The following EFCAB11 variants were observed in gnomAD, a reference collection of about 807,000 sequenced individuals.
The protein encoded by EFCAB11 is EF-hand calcium-binding domain-containing protein 11.
Under a neutral mutation model 23.0 loss-of-function variants are expected in EFCAB11, and 14 were observed. The observed-to-expected ratio is 0.61, with a 90% CI of 0.40 to 0.95. The LOEUF (loss-of-function observed/expected upper bound fraction) is 0.95, where lower values mean the gene tolerates loss of function less well. Ranked by LOEUF, EFCAB11 falls within the 40% of genes least tolerant of loss-of-function variation. EFCAB11 has a pLI of 0.00. For synonymous variants in EFCAB11, 65 were observed against 66.6 expected, an observed-to-expected ratio of 0.98 and a Z score of 0.11; for missense variants, 198 against 195.8, an observed-to-expected ratio of 1.01 and a Z score of -0.07.
rs1596386466 is a variant in EFCAB11, at chr14:89,827,875, C to T, written c.411-30551G>A. On this transcript the variant is annotated intron_variant, in intron 5 of 5. Coordinates refer to ENST00000316738, the MANE Select transcript of EFCAB11 (RefSeq NM_145231.4). ...CTCGAACTCCCGACCTCAGGTGATCCGCCTGCCTCGGCCTCCCAAAGTGCT... is the reference window on the plus strand; with the variant it reads ...CTCGAACTCCCGACCTCAGGTGATCTGCCTGCCTCGGCCTCCCAAAGTGCT... Among the ~76,000 whole-genome samples, 4 of 152,188 alleles carry T rather than the reference C, an allele frequency of 2.6e-5. No homozygotes were observed. In the South Asian group the frequency reaches 8.3e-4, roughly 32 times the overall value.
At chr14:89,887,704 AG>A (rs1888837168) in intron 5 of EFCAB11, among the ~76,000 whole-genome samples, 1 of 152,260 alleles carries the variant, frequency 6.6e-6, no homozygotes, top group African/African-American at 2.4e-5. Context: ...AAAAGACAAC[AG>A]ACTGTAAATA....
intron 5 of EFCAB11, among the ~76,000 whole-genome samples, chr14:89,881,217 C>T (rs1247087642): frequency 6.6e-6 from 1 of 151,460 alleles, no homozygotes; most frequent in African/African-American, 2.4e-5. Flanking sequence ...ACAAAATTGT[C>T]TACTTCACAC....
intron 3 of EFCAB11, among the ~76,000 whole-genome samples, chr14:89,936,502 T>A (rs530009296): frequency 7.2e-5 from 11 of 152,358 alleles, no homozygotes; most frequent in Non-Finnish European, 1.3e-4. Flanking sequence ...GTATGTGTAA[T>A]CAATTTCTTT....
At chr14:89,945,417 T>C (rs1382476072) in intron 3 of EFCAB11, among the ~76,000 whole-genome samples, 1 of 152,230 alleles carries the variant, frequency 6.6e-6, no homozygotes, top group Non-Finnish European at 1.5e-5. Flanking sequence ...ATTTGAAATG[T>C]GGTCTTTTCA....
At chr14:89,850,410 T>C (rs937492738) in intron 5 of EFCAB11, among the ~76,000 whole-genome samples, 8 of 152,156 alleles carry the variant, frequency 5.3e-5, no homozygotes, top group Admixed American at 3.9e-4. Context: ...TGGGAGCTTG[T>C]TAGATGCTAA....
intron 5 of EFCAB11, among the ~76,000 whole-genome samples, chr14:89,911,475 T>A (rs1889675003): frequency 6.6e-6 from 1 of 152,180 alleles, no homozygotes; most frequent in Admixed American, 6.5e-5. Context: ...GCCCACTCCC[T>A]CCCAACGTGC....
At chr14:89,861,486 C>T (rs1488452587) in intron 5 of EFCAB11, among the ~76,000 whole-genome samples, 1 of 152,236 alleles carries the variant, frequency 6.6e-6, no homozygotes, top group African/African-American at 2.4e-5. Flanking sequence ...GAAGACCTTT[C>T]TCATCATGTC....
chr14:89,918,414 C>T (rs1368217656), intron 5 of EFCAB11, among the ~76,000 whole-genome samples: 1 of 151,904 alleles, frequency 6.6e-6, no homozygotes, highest in African/African-American at 2.4e-5. Context: ...TAGCACACGT[C>T]TGTAATCCCA....
chr14:89,797,931 T>A (rs11159931), intron 5 of EFCAB11, among the ~76,000 whole-genome samples: 2 of 151,854 alleles, frequency 1.3e-5, no homozygotes, highest in Non-Finnish European at 2.9e-5. Context: ...AGACTCCATC[T>A]CAATTAAGAA....
intron 5 of EFCAB11, among the ~76,000 whole-genome samples, chr14:89,865,437 G>A (rs1295304226): frequency 6.6e-6 from 1 of 152,102 alleles, no homozygotes; most frequent in Non-Finnish European, 1.5e-5. Flanking sequence ...GTCTGAAGAG[G>A]GAAGGGATGC....
At chr14:89,893,104 A>AT (rs1228819016) in intron 5 of EFCAB11, among the ~76,000 whole-genome samples, 1 of 152,150 alleles carries the variant, frequency 6.6e-6, no homozygotes, top group Non-Finnish European at 1.5e-5. Context: ...AAAAGCTCTC[A>AT]TTCCCACTCC....
rs569411969 is a variant in EFCAB11, at chr14:89,946,869, C to T, written c.217+3228G>A. 2.0e-5 allele frequency among the ~76,000 whole-genome samples: 3 copies of T among 152,130 alleles called. No homozygotes were observed. In the East Asian group the frequency reaches 5.8e-4, roughly 29 times the overall value. On this transcript the variant is annotated intron_variant, in intron 3 of 5. Transcript: ENST00000316738. ...CTTGGATTACAGGTGTGAGTCACCACTCCCAGCCAACTGCTGTCATTTTTA... is the reference window on the plus strand; with the variant it reads ...CTTGGATTACAGGTGTGAGTCACCATTCCCAGCCAACTGCTGTCATTTTTA...
chr14:89,952,384 G>T, intron 2 of EFCAB11: 4 of 985,330 alleles, frequency 4.1e-6, no homozygotes, highest in Non-Finnish European at 4.8e-6. Flanking sequence ...AATGAGACAA[G>T]ATACCTTTCC....
intron 5 of EFCAB11, chr14:89,848,760 C>G (rs994580622): frequency 1.3e-5 from 2 of 152,138 alleles, no homozygotes; most frequent in Admixed American, 1.3e-4. Context: ...AACCCTGTTT[C>G]TACTAAAATT....
At chr14:89,813,670 A>G (rs2140092524) in intron 5 of EFCAB11, among the ~76,000 whole-genome samples, 1 of 120,678 alleles carries the variant, frequency 8.3e-6, no homozygotes, top group South Asian at 2.4e-4. Flanking sequence ...TCCACCCGCT[A>G]TAAAATGCCT....
intron 3 of EFCAB11, among the ~76,000 whole-genome samples, chr14:89,935,726 T>G (rs983388897): frequency 3.3e-5 from 5 of 152,118 alleles, no homozygotes; most frequent in Non-Finnish European, 7.4e-5. Flanking sequence ...ATACAAAAAT[T>G]AGCCAGGTGC....
intron 5 of EFCAB11, among the ~76,000 whole-genome samples, chr14:89,842,841 T>C (rs887215402): frequency 2.0e-5 from 3 of 152,152 alleles, no homozygotes; most frequent in Admixed American, 2.0e-4. Context: ...ATCTCTTCCA[T>C]GGGGCCCTCT....
At chr14:89,837,146 C>G (rs974247908) in intron 5 of EFCAB11, 1 of 455,640 alleles carries the variant, frequency 2.2e-6, no homozygotes, top group Non-Finnish European at 4.4e-6. Context: ...CCTTAGGCCT[C>G]TGCAACATAC....
chr14:89,813,544 TTTTTCTTTCTTCAGAC>T (rs1207069574), intron 5 of EFCAB11, among the ~76,000 whole-genome samples: 3 of 151,258 alleles, frequency 2.0e-5, no homozygotes, highest in African/African-American at 7.4e-5. Flanking sequence ...TTTTGTTTTG[TTTTTCTTTCTTCAGAC>T]CTTTCTCTAT....
Sources: allele counts gnomAD v4.1 joint callset (sites outside exome capture counted in the v4.1 genomes callset), GRCh38; gene constraint gnomAD v4.1.1; transcripts MANE v1.5; gene names NCBI Gene and HGNC (gene_info 2026-07-23, HGNC 2026-07-21).